Variants in ELAVL4 observed in about 807,000 individuals in gnomAD.
ELAVL4 encodes the protein ELAV like RNA binding protein 4, also known as ELAV-like protein 4.
In ELAVL4, 1 loss-of-function variant was observed where a neutral mutation model predicts 35.6. That is an observed-to-expected ratio of 0.03 (90% CI 0.01 to 0.13). The LOEUF (loss-of-function observed/expected upper bound fraction) is 0.13. Ranked by LOEUF, ELAVL4 falls within the 10% of genes least tolerant of loss-of-function variation. The pLI is 1.00. For synonymous variants in ELAVL4, 156 were observed against 171.0 expected (o/e 0.91, Z 0.69); for missense variants, 267 against 464.9 (o/e 0.57, Z 3.91).
At chr1:50,177,219 T>C in intron 3 of ELAVL4, 27 bp downstream of exon 3, 2 of 1,531,408 alleles carry the variant, frequency 1.3e-6, no homozygotes, top group Admixed American at 1.7e-5. Context: ...TGGCTCCTGA[T>C]TCAGGAGGCT....
intron 1 of ELAVL4, among the ~76,000 whole-genome samples, chr1:50,133,651 G>GAAAGAGAA (rs1386510703): frequency 3.8e-3 from 349 of 91,878 alleles, no homozygotes; most frequent in African/African-American, 0.012. Context: ...AAGAAAGAAA[G>GAAAGAGAA]AGAAAGAAAG....
rs1360201723 is a variant in ELAVL4 at position 50,202,416 on chromosome 1, A to C, written c.*1238A>C. Reference sequence around the variant, plus strand: ...TTTAGGAGAGGAAAACAAAAGATACATTTGCTTTAAATTCATTAAGAAATT... The same window carrying C: ...TTTAGGAGAGGAAAACAAAAGATACCTTTGCTTTAAATTCATTAAGAAATT... On this transcript the variant is annotated 3_prime_UTR_variant, in exon 7 of 7. Transcript: ENST00000371824. 6.6e-6 allele frequency: 1 copy of C among 152,208 alleles called. No homozygotes were observed. The highest frequency in any genetic ancestry group is 2.4e-5 in the African/African-American group (1 of 41,472). The allele number at this position is 152,208 out of a possible 1,614,324, so 9.4% of individuals were successfully genotyped here. A position where few individuals can be genotyped will look rare whatever the true frequency, so the allele number is the denominator to read the frequency against.
At chr1:50,141,323 G>C (rs1672778804) in intron 1 of ELAVL4, among the ~76,000 whole-genome samples, 1 of 152,194 alleles carries the variant, frequency 6.6e-6, no homozygotes, top group African/African-American at 2.4e-5. Flanking sequence ...GTAGAAAACA[G>C]AGAAGAGTTT....
chr1:50,195,513 C>A, intron 4 of ELAVL4, 48 bp from the exon 5 acceptor site: 1 of 1,594,402 alleles, frequency 6.3e-7, no homozygotes, highest in Non-Finnish European at 8.6e-7. Context: ...AAGATGTTTA[C>A]CAGTTTGGTG....
chr1:50,093,385 C>A (rs1344261868), intron 1 of ELAVL4, among the ~76,000 whole-genome samples: 2 of 152,182 alleles, frequency 1.3e-5, no homozygotes, highest in African/African-American at 4.8e-5. Context: ...ATTGACCATA[C>A]TGGCACATTT....
chr1:50,048,528 G>A (rs1389111278), intron 1 of ELAVL4, among the ~76,000 whole-genome samples: 1 of 152,162 alleles, frequency 6.6e-6, no homozygotes, highest in Non-Finnish European at 1.5e-5. Context: ...CAGCAGCCCC[G>A]CGCCACTCCT....
At chr1:50,195,501 C>A in intron 4 of ELAVL4, 60 bp from the exon 5 acceptor site, 1 of 1,580,242 alleles carries the variant, frequency 6.3e-7, no homozygotes, top group Non-Finnish European at 8.7e-7. Context: ...CATCTCTTCC[C>A]AAAGATGTTT....
intron 1 of ELAVL4, among the ~76,000 whole-genome samples, chr1:50,065,315 A>G (rs1189786816): frequency 6.6e-6 from 1 of 152,180 alleles, no homozygotes; most frequent in East Asian, 1.9e-4. Context: ...ATTATACCGG[A>G]GAAGACTGGG....
intron 1 of ELAVL4, among the ~76,000 whole-genome samples, chr1:50,094,794 A>C (rs1339996940): frequency 1.4e-5 from 2 of 139,220 alleles, no homozygotes; most frequent in Non-Finnish European, 3.1e-5. Context: ...GCTGGGCTTG[A>C]TGGCAGGTGC....
At chr1:50,145,427 G>C (rs1225503998) in intron 2 of ELAVL4, among the ~76,000 whole-genome samples, 1 of 152,182 alleles carries the variant, frequency 6.6e-6, no homozygotes, top group Non-Finnish European at 1.5e-5. Context: ...CATGTAAAAT[G>C]ATCCTTTGAT....
chr1:50,185,794 C>G (rs905987364), intron 3 of ELAVL4, among the ~76,000 whole-genome samples: 1 of 152,094 alleles, frequency 6.6e-6, no homozygotes, highest in Non-Finnish European at 1.5e-5. Flanking sequence ...CTGAATTTTA[C>G]TAAGATTCGG....
At chr1:50,096,478 A>T (rs1187197906) in intron 1 of ELAVL4, among the ~76,000 whole-genome samples, 1 of 150,990 alleles carries the variant, frequency 6.6e-6, no homozygotes, top group East Asian at 1.9e-4. Context: ...GTATAGGGAA[A>T]GGAATGTCTT....
At chr1:50,135,747 G>A (rs1354990155) in intron 1 of ELAVL4, among the ~76,000 whole-genome samples, 1 of 152,132 alleles carries the variant, frequency 6.6e-6, no homozygotes, top group Non-Finnish European at 1.5e-5. Context: ...GTGTTTCTTG[G>A]ATGGAATTAA....
rs192245895 is a variant in ELAVL4 at position 50,050,348 on chromosome 1, G to T, written c.18+2166G>T. Among the ~76,000 whole-genome samples the T allele has an allele frequency of 2.4e-3, 365 of 152,338 alleles. 4 individuals carry two copies. Among genetic ancestry groups the T allele is most frequent in the African/African-American group, 8.5e-3 (352 of 41,574 alleles). ...GAGATTTGGCTACAAAGGGACAGGA[G>T]GGAGCTCACTGGGGTGACTGAAATA... On this transcript the variant is annotated intron_variant, in intron 1 of 6. Coordinates refer to the ELAVL4 transcript ENST00000448907.
At chr1:50,077,006 CAAAGTA>C (rs1557689346) in intron 1 of ELAVL4, among the ~76,000 whole-genome samples, 3 of 151,722 alleles carry the variant, frequency 2.0e-5, no homozygotes, top group African/African-American at 7.3e-5. Flanking sequence ...TCCAGAGAAA[CAAAGTA>C]AATGGGATGT....
At chr1:50,077,233 T>G (rs1332289344) in intron 1 of ELAVL4, among the ~76,000 whole-genome samples, 1 of 152,198 alleles carries the variant, frequency 6.6e-6, no homozygotes, top group African/African-American at 2.4e-5. Context: ...CTCACATGAT[T>G]GCAGAGGGTC....
At chr1:50,112,521 A>C (rs549334288) in intron 1 of ELAVL4, among the ~76,000 whole-genome samples, 58 of 152,284 alleles carry the variant, frequency 3.8e-4, no homozygotes, top group African/African-American at 1.3e-3. Flanking sequence ...TATTTCTGCA[A>C]AAAACATCTG....
intron 6 of ELAVL4, among the ~76,000 whole-genome samples, chr1:50,198,776 C>T (rs1422327131): frequency 6.6e-6 from 1 of 152,092 alleles, no homozygotes; most frequent in East Asian, 1.9e-4. Flanking sequence ...CCTCCACTGC[C>T]CCACCCAGAG....
Position 50,145,169 on chromosome 1 carries a change from C to G in ELAVL4, c.222C>G (p.Ser74=). 1 of 1,613,950 alleles carries G rather than the reference C, an allele frequency of 6.2e-7. No homozygotes were observed. Among genetic ancestry groups the G allele is most frequent in the Non-Finnish European group, 8.5e-7 (1 of 1,179,904 alleles). Residue 74 remains serine (S), a synonymous_variant, in exon 2 of 7, where the codon TCC becomes TCG. Transcript: ENST00000371824. ...TCGGGAGCATTGGTGAAATAGAATC[C>G]TGCAAACTTGTGAGAGACAAAATTA... ...SLFGSIGEIE[S]CKLVRDKITG...
Sources: allele counts gnomAD v4.1 joint callset (sites outside exome capture counted in the v4.1 genomes callset), GRCh38; gene constraint gnomAD v4.1.1; transcripts MANE v1.5; gene names NCBI Gene and HGNC (gene_info 2026-07-23, HGNC 2026-07-21).